The following SV2B variants were observed in gnomAD, a reference collection of about 807,000 sequenced individuals.
SV2B encodes synaptic vesicle glycoprotein 2B, also known as solute carrier family 22 member B2.
In SV2B, 41 loss-of-function variants were observed where a neutral mutation model predicts 73.9. The ratio of observed to expected loss-of-function variants is 0.56; its 90% confidence interval spans 0.43 to 0.72. The LOEUF (loss-of-function observed/expected upper bound fraction) is 0.72, where lower values mean the gene tolerates loss of function less well. Ranked by LOEUF, SV2B falls within the 30% of genes least tolerant of loss-of-function variation. The probability of loss-of-function intolerance (pLI) is 0.00; values close to 1 mark genes in which losing one functional copy is unlikely to be tolerated. For missense variants in SV2B, 764 were observed against 857.8 expected, an observed-to-expected ratio of 0.89 and a Z score of 1.37; for synonymous variants, 314 against 314.2, an observed-to-expected ratio of 1.00 and a Z score of 0.01.
chr15:91,154,396 G>A (rs1364865608), intron 1 of SV2B, among the ~76,000 whole-genome samples: 2 of 152,038 alleles, frequency 1.3e-5, no homozygotes, highest in Admixed American at 1.3e-4. Context: ...GGGTCCAGGA[G>A]ATACTAAGAT....
intron 1 of SV2B, among the ~76,000 whole-genome samples, chr15:91,196,951 G>A (rs1010622787): frequency 6.6e-6 from 1 of 152,196 alleles, no homozygotes; most frequent in Non-Finnish European, 1.5e-5. Context: ...TGGGACCTGT[G>A]ACAGACACTT....
chr15:91,164,627 A>G (rs771483344), intron 1 of SV2B, among the ~76,000 whole-genome samples: 8 of 152,258 alleles, frequency 5.3e-5, no homozygotes, highest in Non-Finnish European at 1.0e-4. Flanking sequence ...GGGAGAAAGT[A>G]TAGGTACACT....
At chr15:91,172,072 C>T (rs2044140677) in intron 1 of SV2B, among the ~76,000 whole-genome samples, 1 of 152,154 alleles carries the variant, frequency 6.6e-6, no homozygotes, top group Admixed American at 6.5e-5. Context: ...CACATCAACT[C>T]TACACTAAAA....
intron 1 of SV2B, among the ~76,000 whole-genome samples, chr15:91,175,361 TCTC>T (rs1222744060): frequency 6.6e-6 from 1 of 152,150 alleles, no homozygotes; most frequent in Non-Finnish European, 1.5e-5. Flanking sequence ...TTCCAGTGAT[TCTC>T]CTGCCTCAGC....
intron 1 of SV2B, among the ~76,000 whole-genome samples, chr15:91,103,104 T>C (rs1021136545): frequency 9.2e-5 from 14 of 152,208 alleles, no homozygotes; most frequent in African/African-American, 3.1e-4. Context: ...AGTTATTGTT[T>C]AAGGAACTGG....
rs576907494 is a variant in SV2B at position 91,295,775 on chromosome 15, A to T, written c.*3223A>T. The stretch of plus-strand genomic sequence containing the variant: ...TAAAAAGATTAGTATTTATCCATCC[A>T]TTTATTCATTCAGCAAATCCTTATT... On this transcript the variant is annotated 3_prime_UTR_variant, in exon 13 of 13. Coordinates refer to ENST00000394232, the MANE Select transcript of SV2B (RefSeq NM_001323032.3). The T allele has an allele frequency of 1.3e-5, 2 of 152,146 alleles. No homozygotes were observed. The highest frequency in any genetic ancestry group is 4.8e-5 in the African/African-American group (2 of 41,426). The allele number at this position is 152,146 out of a possible 1,614,324, so 9.4% of individuals were successfully genotyped here. A position where few individuals can be genotyped will look rare whatever the true frequency, so the allele number is the denominator to read the frequency against.
Position 91,106,622 on chromosome 15 carries a change from T to C in SV2B, c.-392+6259T>C, listed in dbSNP as rs372906920. 1.3e-5 allele frequency among the ~76,000 whole-genome samples: 2 copies of C among 152,078 alleles called. No individual in the cohort carries two copies. The highest frequency in any genetic ancestry group is 3.8e-4 in the East Asian group (2 of 5,202). ...ATATCATACGGAAAGCAACGTGTGG[T>C]GACAAGAAAGAAAGAGGAACAAGTG... On this transcript the variant is annotated intron_variant, in intron 1 of 12. Coordinates refer to ENST00000394232, the MANE Select transcript of SV2B (RefSeq NM_001323032.3). This position sits in a 1 kb window ranked among gnomAD's most constrained non-coding sequence, Gnocchi z 4.4.
intron 1 of SV2B, among the ~76,000 whole-genome samples, chr15:91,168,167 G>A (rs1030449437): frequency 6.6e-6 from 1 of 152,140 alleles, no homozygotes; most frequent in Non-Finnish European, 1.5e-5. Flanking sequence ...CTTTCAATTT[G>A]TGATTGCCCT....
In SV2B at chr15:91,118,546, A is replaced by G. The variant is rs1372216284; in HGVS notation, c.-392+18183A>G. Among the ~76,000 whole-genome samples, 3 of 152,204 alleles carry G rather than the reference A, an allele frequency of 2.0e-5. No individual in the cohort carries two copies. ...GGAGCCCCAGGGCTGTCCAGGCTCA[A>G]TCACAAAAGGAGGAAATCTGCCTGG... On this transcript the variant is annotated intron_variant, in intron 1 of 12. Coordinates refer to ENST00000394232, the MANE Select transcript of SV2B (RefSeq NM_001323032.3). This position sits in a 1 kb window ranked among gnomAD's most constrained non-coding sequence, Gnocchi z 4.7.
At chr15:91,271,548 C>A (rs963973033) in intron 9 of SV2B, among the ~76,000 whole-genome samples, 1 of 152,138 alleles carries the variant, frequency 6.6e-6, no homozygotes, top group African/African-American at 2.4e-5. Flanking sequence ...GTAATGAGTT[C>A]ATTGTAACTT....
chr15:91,154,236 C>A (rs2043411153), intron 1 of SV2B, among the ~76,000 whole-genome samples: 2 of 148,414 alleles, frequency 1.3e-5, no homozygotes, highest in Non-Finnish European at 1.5e-5. Flanking sequence ...TTTTATAGAC[C>A]AGTTTAGGGC....
intron 1 of SV2B, among the ~76,000 whole-genome samples, chr15:91,195,168 T>C (rs28445744): frequency 0.032 from 4,939 of 152,160 alleles, 256 homozygotes; most frequent in African/African-American, 0.11. Context: ...AAACTATTGT[T>C]TTTTTTTGAG....
intron 9 of SV2B, among the ~76,000 whole-genome samples, chr15:91,269,195 C>A (rs1164504670): frequency 1.3e-5 from 2 of 152,126 alleles, no homozygotes; most frequent in East Asian, 3.9e-4. Flanking sequence ...TCCTCCTCCT[C>A]CTGGTTCTGG....
At chr15:91,165,450 G>T (rs79801484) in intron 1 of SV2B, among the ~76,000 whole-genome samples, 1,792 of 152,158 alleles carry the variant, frequency 0.012, 34 homozygotes, top group African/African-American at 0.041. Context: ...CACTTATATT[G>T]TATTAGTTAT....
chr15:91,252,363 T>C lies in SV2B; in HGVS notation c.633-6T>C. On this transcript the variant is annotated splice_region_variant and splice_polypyrimidine_tract_variant and intron_variant, in intron 3 of 12. Coordinates refer to ENST00000394232, the MANE Select transcript of SV2B (RefSeq NM_001323032.3). This position sits in a 1 kb window ranked among gnomAD's most constrained non-coding sequence, Gnocchi z 4.6. ...ATTCTTTCTCTCTGGCATTTTTCCT[T>C]TGCAGTATTGGGGGTGCTCTACCGA... 2 of 1,600,478 alleles carry C rather than the reference T, an allele frequency of 1.2e-6. No individual in the cohort carries two copies. Among genetic ancestry groups the C allele is most frequent in the African/African-American group, 1.3e-5 (1 of 74,128 alleles).
chr15:91,170,288 A>AT (rs141011816), intron 1 of SV2B, among the ~76,000 whole-genome samples: 25,030 of 151,642 alleles, frequency 0.17, 2,665 homozygotes, highest in Non-Finnish European at 0.24. Context: ...GATTTGTTGG[A>AT]TTTTTTTTGT....
chr15:91,256,257 G>GT (rs1313366777), intron 4 of SV2B, among the ~76,000 whole-genome samples: 2 of 152,146 alleles, frequency 1.3e-5, no homozygotes, highest in Non-Finnish European at 2.9e-5. Flanking sequence ...TTTGGAAGCA[G>GT]TTTGCCATTT....
At chr15:91,266,825 G>C (rs1316394561) in intron 7 of SV2B, 133 bp downstream of exon 7, 4 of 639,754 alleles carry the variant, frequency 6.3e-6, no homozygotes, top group East Asian at 5.9e-5. Flanking sequence ...AACCCTGGAG[G>C]GGGGCGTTTG....
rs1166813340 is a variant in SV2B, at chr15:91,289,455, G to A, written c.1709-66G>A. 6.9e-6 allele frequency: 11 copies of A among 1,605,356 alleles called. No homozygotes were observed. Among genetic ancestry groups the A allele is most frequent in the Non-Finnish European group, 9.4e-6 (11 of 1,173,222 alleles). ...GAGGGTGGGAGATGGGGCAAGAACT[G>A]TGAGTGACAGCCATGTGCAAGACAC... On this transcript the variant is annotated intron_variant, in intron 11 of 12. Transcript: ENST00000394232. This position sits in a 1 kb window ranked among gnomAD's most constrained non-coding sequence, Gnocchi z 4.9.
Sources: allele counts gnomAD v4.1 joint callset (sites outside exome capture counted in the v4.1 genomes callset), GRCh38; gene constraint gnomAD v4.1.1; non-coding constraint Gnocchi (gnomAD v3.1); transcripts MANE v1.5; gene names NCBI Gene and HGNC (gene_info 2026-07-23, HGNC 2026-07-21).